The following KDM2B variants were observed in gnomAD, a reference collection of about 807,000 sequenced individuals.
KDM2B encodes lysine-specific demethylase 2B.
In KDM2B, 26 loss-of-function variants were observed where a neutral mutation model predicts 150.0. The ratio of observed to expected loss-of-function variants is 0.17; its 90% CI spans 0.13 to 0.24. KDM2B has a LOEUF of 0.24. Among genes scored for constraint, KDM2B ranks in the 10% least tolerant of loss-of-function variants. The pLI, the probability that KDM2B is intolerant of heterozygous loss-of-function variation, is 1.00. For synonymous variants in KDM2B, 734 were observed against 729.5 expected (o/e 1.01, Z -0.10); for missense variants, 1,265 against 1,816.9 (o/e 0.70, Z 5.52).
chr12:121,526,416 A>AGTC (rs1887137295), intron 8 of KDM2B, among the ~76,000 whole-genome samples: 1 of 152,166 alleles, frequency 6.6e-6, no homozygotes, highest in Non-Finnish European at 1.5e-5. Context: ...AAGAGTCAAG[A>AGTC]AGGAGGACCA....
At chr12:121,526,860 C>T (rs1175684848) in intron 8 of KDM2B, among the ~76,000 whole-genome samples, 1 of 152,002 alleles carries the variant, frequency 6.6e-6, no homozygotes, top group African/African-American at 2.4e-5. Flanking sequence ...GGTAAAACCA[C>T]GTCTCTACTA....
chr12:121,484,845 T>C (rs1380618187), intron 12 of KDM2B, among the ~76,000 whole-genome samples: 3 of 151,712 alleles, frequency 2.0e-5, no homozygotes, highest in Non-Finnish European at 4.4e-5. Flanking sequence ...CTTTAAAAAA[T>C]AAAAATAAAT....
At chr12:121,516,791 C>T in intron 9 of KDM2B, 1 of 669,120 alleles carries the variant, frequency 1.5e-6, no homozygotes, top group South Asian at 1.6e-5. Context: ...GTATCTAGAA[C>T]TCCCAGGTCT....
intron 1 of KDM2B, chr12:121,580,327 C>T: frequency 9.4e-7 from 1 of 1,069,024 alleles, no homozygotes; most frequent in Non-Finnish European, 1.1e-6. Context: ...AGCCCGCGGC[C>T]GGGCTATTTG....
downstream of KDM2B, among the ~76,000 whole-genome samples, chr12:121,427,221 T>C (rs1872551260): frequency 6.6e-6 from 1 of 152,186 alleles, no homozygotes; most frequent in Admixed American, 6.5e-5. Flanking sequence ...TAGCCTCGGC[T>C]GGCCTCATCT....
chr12:121,577,603 G>A (rs1217770221), intron 2 of KDM2B, among the ~76,000 whole-genome samples: 1 of 152,186 alleles, frequency 6.6e-6, no homozygotes, highest in African/African-American at 2.4e-5. Flanking sequence ...TAACCCCACA[G>A]CCACAGCCAC....
the KDM2B span, chr12:121,409,776 A>G: frequency 0.31 from 47,283 of 152,160 alleles, 8,895 homozygotes; most frequent in East Asian, 0.43. Context: ...GCAGCTACGA[A>G]GGTACAGGAC....
intron 13 of KDM2B, among the ~76,000 whole-genome samples, chr12:121,446,527 C>G (rs529511131): frequency 6.6e-6 from 1 of 152,192 alleles, no homozygotes; most frequent in Non-Finnish European, 1.5e-5. Flanking sequence ...CGTAAAGTGC[C>G]TCGGCACACA....
At chr12:121,481,628 T>A (rs190989706) in intron 12 of KDM2B, among the ~76,000 whole-genome samples, 1 of 152,282 alleles carries the variant, frequency 6.6e-6, no homozygotes. Flanking sequence ...GTCTAAAGGA[T>A]AAGCCATTAT....
the KDM2B span, among the ~76,000 whole-genome samples, chr12:121,409,087 C>T: frequency 6.6e-6 from 1 of 152,154 alleles, no homozygotes; most frequent in African/African-American, 2.4e-5. Context: ...TCAAACGATT[C>T]TCCTGCCTCA....
At position 121,549,083 on chromosome 12, in the gene KDM2B, A is replaced by C; in HGVS notation, c.577-100T>G. On this transcript the variant is annotated intron_variant, in intron 5 of 22. Transcript: ENST00000377071. The surrounding 1 kb of genome is among the most constrained non-coding windows in gnomAD (Gnocchi z 4.4). ...GTCCTTGGGCCCCCCCGCTCCCCCA[A>C]TCTACTGTGGGCTCAATAGTCCCAA... is the stretch of plus-strand genomic sequence containing the variant. 1.1e-6 allele frequency: 1 copy of C among 900,902 alleles called. No individual in the cohort carries two copies. 55.8% of individuals were successfully genotyped at this position (900,902 alleles called of 1,614,324 possible).
At position 121,521,489 on chromosome 12, in the gene KDM2B, T is replaced by C. The variant is rs1886685476; in HGVS notation, c.932-389A>G. On this transcript the variant is annotated intron_variant, in intron 8 of 22. Transcript: ENST00000377071. The surrounding 1 kb of genome is among the most constrained non-coding windows in gnomAD (Gnocchi z 4.9). ...CACCTCCCCTCCCAGGTGGCACATGTGTCCAGAGTCTTTCCTCACCATCCC... is the reference window on the plus strand; with the variant it reads ...CACCTCCCCTCCCAGGTGGCACATGCGTCCAGAGTCTTTCCTCACCATCCC... Among the ~76,000 whole-genome samples, 1 of 152,174 alleles carries C rather than the reference T, an allele frequency of 6.6e-6. No homozygotes were observed. Among genetic ancestry groups the C allele is most frequent in the Non-Finnish European group, 1.5e-5 (1 of 68,010 alleles).
the KDM2B span, among the ~76,000 whole-genome samples, chr12:121,419,206 A>T: frequency 6.6e-6 from 1 of 152,288 alleles, no homozygotes; most frequent in East Asian, 1.9e-4. Context: ...AATACTTATT[A>T]CTGTGTTATA....
At chr12:121,501,363 A>G (rs1246734546) in intron 11 of KDM2B, among the ~76,000 whole-genome samples, 1 of 152,160 alleles carries the variant, frequency 6.6e-6, no homozygotes, top group African/African-American at 2.4e-5. Flanking sequence ...AGCCTGTGCC[A>G]CAGAGCAAGA....
At chr12:121,538,184 G>C (rs1888316995) in intron 6 of KDM2B, among the ~76,000 whole-genome samples, 1 of 152,062 alleles carries the variant, frequency 6.6e-6, no homozygotes, top group Non-Finnish European at 1.5e-5. Context: ...AGGCCGCGGG[G>C]CGACCGGGAA....
chr12:121,516,573 G>A (rs1555305042), intron 9 of KDM2B: 3 of 1,417,732 alleles, frequency 2.1e-6, no homozygotes, highest in Admixed American at 5.5e-5. Context: ...CAGACTCGGA[G>A]CCTCACCAAA....
rs1185416574 is a variant in KDM2B at position 121,575,393 on chromosome 12, G to A, written c.350+388C>T. Among the ~76,000 whole-genome samples, 1 of 152,230 alleles carries A rather than the reference G, an allele frequency of 6.6e-6. No homozygotes were observed. The highest frequency in any genetic ancestry group is 6.5e-5 in the Admixed American group (1 of 15,290). ...AATCTGCATAAGAAACATGTATCTA[G>A]GTGCCCTGGGTCTGGGCTTAGAGGC... is the stretch of plus-strand genomic sequence containing the variant. On this transcript the variant is annotated intron_variant, in intron 3 of 22. Coordinates refer to ENST00000377071, the MANE Select transcript of KDM2B (RefSeq NM_032590.5). This position sits in a 1 kb window ranked among gnomAD's most constrained non-coding sequence, Gnocchi z 4.4.
chr12:121,415,262 C>T, the KDM2B span: 1 of 299,668 alleles, frequency 3.3e-6, no homozygotes, highest in Non-Finnish European at 7.4e-6. Context: ...AAATTATTTA[C>T]ATATGCTATA....
chr12:121,542,339 C>T (rs1315617947), intron 6 of KDM2B, among the ~76,000 whole-genome samples: 1 of 152,216 alleles, frequency 6.6e-6, no homozygotes, highest in Non-Finnish European at 1.5e-5. Context: ...TGCAACATTT[C>T]TCACTATGTT....
Sources: allele counts gnomAD v4.1 joint callset (sites outside exome capture counted in the v4.1 genomes callset), GRCh38; gene constraint gnomAD v4.1.1; non-coding constraint Gnocchi (gnomAD v3.1); transcripts MANE v1.5; gene names NCBI Gene and HGNC (gene_info 2026-07-23, HGNC 2026-07-21).